Variants in NBPF15 observed in about 807,000 individuals in gnomAD.
NBPF15 encodes the protein NBPF member 15.
NBPF15 carries 74 observed loss-of-function variants against 62.2 expected under a neutral mutation model. The observed-to-expected ratio is 1.19, with a 90% CI of 0.99 to 1.44. The LOEUF is 1.44. Ranked by LOEUF, NBPF15 falls within the 40% of genes most tolerant of loss-of-function variation. The pLI, the probability that NBPF15 is intolerant of heterozygous loss-of-function variation, is 0.00. For synonymous variants in NBPF15, 244 were observed against 209.7 expected (o/e 1.16, Z -1.41); for missense variants, 790 against 550.0 (o/e 1.44, Z -4.36).
chr1:144,435,638 G>C, intron 11 of NBPF15, 143 bp downstream of exon 11: 2 of 1,449,420 alleles, frequency 1.4e-6, no homozygotes, highest in Non-Finnish European at 1.9e-6. Context: ...GCCGCACCCT[G>C]TGTCTAAGCT....
chr1:144,445,744 G>A (rs1265779781), intron 6 of NBPF15, among the ~76,000 whole-genome samples: 3 of 150,406 alleles, frequency 2.0e-5, no homozygotes, highest in Non-Finnish European at 4.4e-5. Context: ...CAACTCTTCT[G>A]ATCCATGACA....
intron 6 of NBPF15, among the ~76,000 whole-genome samples, chr1:144,442,227 ATT>A (rs1491146652): frequency 6.9e-5 from 8 of 115,770 alleles, no homozygotes; most frequent in East Asian, 2.3e-4. Flanking sequence ...TAATATATAT[ATT>A]AATAATATAT....
intron 18 of NBPF15, 33 bp downstream of exon 18, chr1:144,426,245 G>A: frequency 1.8e-6 from 1 of 570,576 alleles, no homozygotes; most frequent in South Asian, 2.0e-5. Context: ...AAGACCAGGT[G>A]GAGGCTTATC....
chr1:144,426,634 G>C lies in NBPF15; in HGVS notation c.1266-184C>G, dbSNP rs1484767860. ...GGGCCAGGTAGAAAAGAATGAAAGA[G>C]AAAGACAGGGAGAGGGAGAGAGAGA... On this transcript the variant is annotated intron_variant, in intron 17 of 21. Transcript: ENST00000581897. Among the ~76,000 whole-genome samples the C allele has an allele frequency of 2.7e-5, 4 of 149,944 alleles. No homozygotes were observed. In the East Asian group the frequency reaches 7.9e-4, roughly 30 times the overall value.
intron 13 of NBPF15, among the ~76,000 whole-genome samples, chr1:144,431,997 G>C (rs1278681812): frequency 1.3e-5 from 2 of 151,306 alleles, no homozygotes; most frequent in African/African-American, 4.9e-5. Flanking sequence ...TAATCATTTG[G>C]GTACACACCC....
At chr1:144,455,689 T>G (rs373152303) in intron 4 of NBPF15, among the ~76,000 whole-genome samples, 7 of 151,970 alleles carry the variant, frequency 4.6e-5, no homozygotes, top group Non-Finnish European at 1.0e-4. Context: ...CTTCCCTCCT[T>G]GCACTGGCTC....
chr1:144,439,913 T>A lies in NBPF15; in HGVS notation c.91A>T (p.Lys31Ter). 6.2e-7 allele frequency: 1 copy of A among 1,611,626 alleles called. No individual in the cohort carries two copies. Among genetic ancestry groups the A allele is most frequent in the Non-Finnish European group, 8.5e-7 (1 of 1,179,314 alleles). The change falls in exon 8 of 22, where the codon AAG (lysine) becomes TAG (stop). Residue 31 changes from lysine (K) to a stop codon, truncating the protein, a stop_gained. Transcript: ENST00000581897. LOFTEE classifies it high-confidence loss of function. The stretch of plus-strand genomic sequence containing the variant: ...TTGAGGTTTCTGAACTGCTGTTTCT[T>A]CTCTGCCAACTGGGGGCGCAATTTC... ...NEKLRPQLAE[K>*]KQQFRNLKEK...
Position 144,439,280 on chromosome 1 carries a change from C to T in NBPF15, c.175+549G>A, listed in dbSNP as rs376381242. On this transcript the variant is annotated intron_variant, in intron 8 of 21. Transcript: ENST00000581897. ...TACAGGAGTGAGCCACCATGCACGG[C>T]CCCTACTCCCTGCTCTTGATGCTGT... Among the ~76,000 whole-genome samples, 1,225 of 152,044 alleles carry T rather than the reference C, an allele frequency of 8.1e-3. 13 individuals are homozygous for T. The highest frequency in any genetic ancestry group is 0.023 in the East Asian group (121 of 5,154).
chr1:144,423,821 C>T (rs1379572214), intron 21 of NBPF15, 49 bp downstream of exon 21: 14 of 755,010 alleles, frequency 1.9e-5, no homozygotes, highest in Admixed American at 1.1e-4. Flanking sequence ...GAATCTGTTG[C>T]CTCCAGGTGT....
chr1:144,450,368 A>C (rs1469491624), intron 5 of NBPF15, among the ~76,000 whole-genome samples: 1 of 151,570 alleles, frequency 6.6e-6, no homozygotes, highest in Non-Finnish European at 1.5e-5. Context: ...ACAGACAGGT[A>C]AGGAGGAAAG....
Position 144,423,155 on chromosome 1 carries a change from G to C in NBPF15, c.1871C>G (p.Ser624Ter), listed in dbSNP as rs1401407267. The C allele has an allele frequency of 2.5e-6, 4 of 1,611,496 alleles. No homozygotes were observed. The highest frequency in any genetic ancestry group is 1.1e-5 in the South Asian group (1 of 90,982). The change falls in exon 22 of 22, where the codon TCA becomes TGA. Residue 624 changes from serine to a stop codon, truncating the protein, a stop_gained. Transcript: ENST00000581897. LOFTEE classifies it high-confidence loss of function. ...AAACACACTTCTGTAGTGCTGGAAT[G>C]AGTCAGGTTGTTCAAAGTACATTGA... Reference protein sequence around the residue: ...TPSMYFEQPDSFQHYRSVFYS... With the variant: ...TPSMYFEQPD
At chr1:144,433,225 C>T (rs1675807980) in intron 13 of NBPF15, among the ~76,000 whole-genome samples, 1 of 151,932 alleles carries the variant, frequency 6.6e-6, no homozygotes, top group African/African-American at 2.4e-5. Flanking sequence ...AAAATGAAGG[C>T]AGAAATAAAG....
At position 144,438,063 on chromosome 1, in the gene NBPF15, C is replaced by G; in HGVS notation, c.176-16G>C. On this transcript the variant is annotated splice_polypyrimidine_tract_variant and intron_variant, in intron 8 of 21. Coordinates refer to ENST00000581897, the MANE Select transcript of NBPF15 (RefSeq NM_001385408.1). Reference sequence around the variant, plus strand: ...TCTTCATATTCTGAGAAAAGACAGACACGCCTGCCTCAGTGGAAGGCTGGA... The same window carrying G: ...TCTTCATATTCTGAGAAAAGACAGAGACGCCTGCCTCAGTGGAAGGCTGGA... 1.2e-6 allele frequency: 2 copies of G among 1,611,026 alleles called. No homozygotes were observed. The highest frequency in any genetic ancestry group is 1.1e-5 in the South Asian group (1 of 90,974).
chr1:144,431,485 A>G (rs1404682557), intron 13 of NBPF15, among the ~76,000 whole-genome samples: 5 of 151,416 alleles, frequency 3.3e-5, no homozygotes, highest in African/African-American at 9.7e-5. Flanking sequence ...GTATATATAT[A>G]TATATACAGA....
intron 4 of NBPF15, among the ~76,000 whole-genome samples, chr1:144,453,359 C>T (rs1247821874): frequency 2.6e-5 from 4 of 151,718 alleles, no homozygotes; most frequent in Non-Finnish European, 5.9e-5. Flanking sequence ...ATGTAAGGTG[C>T]AAAACCATAA....
At position 144,424,881 on chromosome 1, in the gene NBPF15, G is replaced by T; in HGVS notation, c.1491-19C>A. 1.8e-6 allele frequency: 1 copy of T among 565,270 alleles called. No individual in the cohort carries two copies. The allele number at this position is 565,270 out of a possible 1,614,324, so 35.0% of individuals were successfully genotyped here. ...GCTGAGCCTGGAAAAGGAGGAAAAA[G>T]TAAAGAATAAGCCAGGGGAAATCAG... is the stretch of plus-strand genomic sequence containing the variant. On this transcript the variant is annotated intron_variant, in intron 19 of 21. Transcript: ENST00000581897.
At chr1:144,448,560 A>C (rs1689166692) in intron 6 of NBPF15, among the ~76,000 whole-genome samples, 1 of 152,170 alleles carries the variant, frequency 6.6e-6, no homozygotes, top group African/African-American at 2.4e-5. Context: ...GATGCATTAA[A>C]TTTAAGCCTA....
At chr1:144,437,615 G>A (rs1330464657) in intron 9 of NBPF15, among the ~76,000 whole-genome samples, 1 of 151,308 alleles carries the variant, frequency 6.6e-6, no homozygotes, top group East Asian at 1.9e-4. Flanking sequence ...CTCACTAAGG[G>A]TAAGTGGGGT....
chr1:144,423,011 G>C lies in NBPF15; in HGVS notation c.*2C>G, dbSNP rs587735212. 2 of 1,611,642 alleles carry C rather than the reference G, an allele frequency of 1.2e-6. No individual in the cohort carries two copies. Among genetic ancestry groups the C allele is most frequent in the African/African-American group, 1.3e-5 (1 of 74,916 alleles). On this transcript the variant is annotated 3_prime_UTR_variant, in exon 22 of 22. Transcript: ENST00000581897. ...GACATCTCTCGGCTTAGTAAGAGCT[G>C]CTTATTGTGGGAATATGACTCCCAT... is the stretch of plus-strand genomic sequence containing the variant.
Sources: gnomAD v4.1 joint callset for allele counts (sites outside exome capture counted in the v4.1 genomes callset) on GRCh38, gnomAD v4.1.1 for gene constraint, MANE v1.5 for transcripts, NCBI Gene and HGNC (gene_info 2026-07-23, HGNC 2026-07-21) for gene names.